EPM2A: variants seen among roughly 807,000 people sequenced by gnomAD.
EPM2A encodes the protein EPM2A glucan phosphatase, laforin, also known as laforin.
In EPM2A, 21 loss-of-function variants were observed where a neutral mutation model predicts 26.5. That is an observed-to-expected ratio of 0.79 (90% CI 0.56 to 1.14). The LOEUF is 1.14. Among genes scored for constraint, EPM2A ranks in the 50% most tolerant of loss-of-function variants. The pLI is 0.00. For missense variants in EPM2A, 458 were observed against 440.8 expected (o/e 1.04, Z -0.35); for synonymous variants, 217 against 177.6 (o/e 1.22, Z -1.76).
At chr6:145,398,255 G>A (rs568072595) in intron 4 of EPM2A, among the ~76,000 whole-genome samples, 1 of 152,190 alleles carries the variant, frequency 6.6e-6, no homozygotes, top group South Asian at 2.1e-4. Flanking sequence ...ATGGTTATTT[G>A]TTTTCTTTAT....
chr6:145,598,391 C>T (rs756525587), intron 2 of EPM2A, among the ~76,000 whole-genome samples: 1 of 152,054 alleles, frequency 6.6e-6, no homozygotes, highest in East Asian at 1.9e-4. Context: ...AGTGTCTGTT[C>T]ATGTCATTTG....
At chr6:145,582,766 C>A (rs940644579) in intron 2 of EPM2A, among the ~76,000 whole-genome samples, 1 of 152,112 alleles carries the variant, frequency 6.6e-6, no homozygotes, top group Admixed American at 6.5e-5. Flanking sequence ...TGCTTGTTTT[C>A]TCTCCCTCTT....
At chr6:145,486,090 G>A (rs1230128161) in intron 4 of EPM2A, among the ~76,000 whole-genome samples, 1 of 152,202 alleles carries the variant, frequency 6.6e-6, no homozygotes, top group Non-Finnish European at 1.5e-5. Context: ...TGGGTTGGCT[G>A]AGAGTTTCTA....
At chr6:145,679,588 A>G (rs917676761) in intron 2 of EPM2A, among the ~76,000 whole-genome samples, 4 of 152,122 alleles carry the variant, frequency 2.6e-5, no homozygotes, top group Admixed American at 2.6e-4. Context: ...ACTTCCAAAG[A>G]AGTAAGTTTT....
chr6:145,633,641 T>A (rs983717752), intron 3 of EPM2A: 3 of 152,202 alleles, frequency 2.0e-5, no homozygotes, highest in Non-Finnish European at 4.4e-5. Context: ...GTGGGCAAGG[T>A]CCAGAAACGT....
At chr6:145,683,562 A>C (rs1000679471) in intron 2 of EPM2A, among the ~76,000 whole-genome samples, 1 of 152,150 alleles carries the variant, frequency 6.6e-6, no homozygotes, top group African/African-American at 2.4e-5. Context: ...ACAGTTGAGT[A>C]TATGAACTAA....
At chr6:145,471,676 G>A (rs1428737723) in intron 4 of EPM2A, among the ~76,000 whole-genome samples, 2 of 152,164 alleles carry the variant, frequency 1.3e-5, no homozygotes, top group African/African-American at 4.8e-5. Context: ...AAAGTGAGCT[G>A]ATGACCACCC....
intron 4 of EPM2A, chr6:145,492,033 G>C: frequency 2.9e-6 from 1 of 341,282 alleles, no homozygotes; most frequent in South Asian, 2.6e-5. Flanking sequence ...GTCAGTCGAG[G>C]ATCATCTGAT....
At chr6:145,468,060 TAAC>T (rs2114722872) in intron 4 of EPM2A, among the ~76,000 whole-genome samples, 2 of 152,190 alleles carry the variant, frequency 1.3e-5, no homozygotes, top group East Asian at 3.9e-4. Flanking sequence ...AATCCTTGCG[TAAC>T]CAATGAATAC....
chr6:145,689,014 T>C (rs542379961), intron 1 of EPM2A, among the ~76,000 whole-genome samples: 2 of 152,224 alleles, frequency 1.3e-5, no homozygotes, highest in South Asian at 2.1e-4. Flanking sequence ...CTTACAACAA[T>C]TGAATTATTA....
At chr6:145,419,767 A>C (rs1355119014) in intron 4 of EPM2A, among the ~76,000 whole-genome samples, 1 of 151,972 alleles carries the variant, frequency 6.6e-6, no homozygotes, top group African/African-American at 2.4e-5. Context: ...GAAAACTACT[A>C]ATCTAAAAGA....
At chr6:145,494,990 G>A (rs557165994) in intron 4 of EPM2A, among the ~76,000 whole-genome samples, 8 of 152,306 alleles carry the variant, frequency 5.3e-5, no homozygotes, top group South Asian at 2.1e-4. Flanking sequence ...GAGTTCTGTA[G>A]ATACCTATCG....
chr6:145,561,651 C>T (rs150771115), intron 2 of EPM2A, among the ~76,000 whole-genome samples: 39 of 152,248 alleles, frequency 2.6e-4, no homozygotes, highest in Middle Eastern at 3.4e-3. Context: ...TGACACGTAT[C>T]TTCTCTTGTC....
At chr6:145,493,417 A>G (rs911002511) in intron 4 of EPM2A, among the ~76,000 whole-genome samples, 27 of 152,188 alleles carry the variant, frequency 1.8e-4, no homozygotes, top group African/African-American at 6.5e-4. Context: ...TAGATATAGG[A>G]TCATGTCATC....
intron 4 of EPM2A, among the ~76,000 whole-genome samples, chr6:145,472,113 C>T (rs1779481615): frequency 6.6e-6 from 1 of 151,470 alleles, no homozygotes; most frequent in Non-Finnish European, 1.5e-5. Flanking sequence ...CATGAGGCCC[C>T]CATTTCAGGT....
intron 2 of EPM2A, among the ~76,000 whole-genome samples, chr6:145,611,749 A>T (rs755771420): frequency 5.3e-5 from 8 of 152,136 alleles, no homozygotes; most frequent in Non-Finnish European, 7.4e-5. Flanking sequence ...GCAGCTGTTT[A>T]TATGTTCAAC....
intron 4 of EPM2A, among the ~76,000 whole-genome samples, chr6:145,407,182 A>G (rs947137349): frequency 6.6e-6 from 1 of 152,272 alleles, no homozygotes; most frequent in East Asian, 1.9e-4. Context: ...GATAAGGAAC[A>G]TTTGAGATCT....
intron 2 of EPM2A, chr6:145,670,889 T>C (rs1779589620): frequency 4.1e-6 from 4 of 985,168 alleles, no homozygotes; most frequent in South Asian, 9.4e-5. Flanking sequence ...GCCCAGTTAA[T>C]ACTCAATAAA....
intron 4 of EPM2A, among the ~76,000 whole-genome samples, chr6:145,452,047 G>A (rs976805664): frequency 6.6e-6 from 1 of 152,002 alleles, no homozygotes; most frequent in African/African-American, 2.4e-5. Context: ...ACAGCCCTTC[G>A]TTCTTCTTTG....
Sources: allele counts gnomAD v4.1 joint callset (sites outside exome capture counted in the v4.1 genomes callset), GRCh38; gene constraint gnomAD v4.1.1; transcripts MANE v1.5; gene names NCBI Gene and HGNC (gene_info 2026-07-23, HGNC 2026-07-21).